CSPP1: variants seen among roughly 807,000 people sequenced by gnomAD.
The protein encoded by CSPP1 is centrosome and spindle pole associated protein 1, also known as centrosome and spindle pole-associated protein 1.
In CSPP1, 126 loss-of-function variants were observed where a neutral mutation model predicts 164.4. The observed-to-expected ratio is 0.77, with a 90% CI of 0.66 to 0.89. The LOEUF (loss-of-function observed/expected upper bound fraction) is 0.89, where lower values mean the gene tolerates loss of function less well. CSPP1 is among the 40% of genes least tolerant of loss of function. The pLI, the probability that CSPP1 is intolerant of heterozygous loss-of-function variation, is 0.00. For missense variants in CSPP1, 1,395 were observed against 1,449.8 expected (o/e 0.96, Z 0.61); for synonymous variants, 472 against 476.7 (o/e 0.99, Z 0.13).
Position 67,095,396 on chromosome 8 carries a change from T to C in CSPP1, c.587T>C (p.Val196Ala). The C allele has an allele frequency of 6.2e-7, 1 of 1,613,120 alleles. No individual in the cohort carries two copies. Among genetic ancestry groups the C allele is most frequent in the Non-Finnish European group, 8.5e-7 (1 of 1,179,702 alleles). Residue 196 changes from valine to alanine, a missense_variant, in exon 7 of 31, where the codon GTC becomes GCC. Coordinates refer to ENST00000678616, the MANE Select transcript of CSPP1 (RefSeq NM_001382391.1). ...CENSEGPRKD[V>A]LTPSEAYEEL... ...AATTCAGAGGGTCCTAGAAAAGATG[T>C]CTTAACTCCTTCAGAGGCATATGAA...
chr8:67,190,776 T>G lies in CSPP1; in HGVS notation c.3330+17T>G, dbSNP rs778625244. The G allele has an allele frequency of 6.5e-7, 1 of 1,549,088 alleles. No individual in the cohort carries two copies. The highest frequency in any genetic ancestry group is 8.9e-7 in the Non-Finnish European group (1 of 1,120,732). ...CTAGACATTGTATGTATGAGACTTT[T>G]CTCCCCCTTTTCAACTTAGAAGAAT... On this transcript the variant is annotated intron_variant, in intron 29 of 30. Coordinates refer to ENST00000678616, the MANE Select transcript of CSPP1 (RefSeq NM_001382391.1).
Position 67,159,054 on chromosome 8 carries a change from AAG to A in CSPP1, c.2457_2458del (p.Lys820GlufsTer8). On this transcript the variant is annotated frameshift_variant, in exon 21 of 31. Coordinates refer to ENST00000678616, the MANE Select transcript of CSPP1 (RefSeq NM_001382391.1). LOFTEE classifies it high-confidence loss of function. ...AGAAAGACAAAAAGAAGCAGAAAGAAAGAAGAAAGAAGAAGAAGAAAAATATA... is the reference window on the plus strand; with the variant it reads ...AGAAAGACAAAAAGAAGCAGAAAGAAAAGAAAGAAGAAGAAGAAAAATATA... ...AEERQKEAER[K>X]KKEEEEKYNL... is the part of the protein sequence containing the mutation. 6.2e-7 allele frequency: 1 copy of A among 1,612,418 alleles called. No individual in the cohort carries two copies. The highest frequency in any genetic ancestry group is 1.1e-5 in the South Asian group (1 of 90,782).
chr8:67,074,197 A>G, intron 1 of CSPP1, 46 bp from the exon 2 acceptor site: 1 of 1,113,616 alleles, frequency 9.0e-7, no homozygotes, highest in Non-Finnish European at 1.3e-6. Context: ...TAATTAGGCT[A>G]AAAATACTGT....
At chr8:67,152,562 G>C (rs1825918399) in intron 18 of CSPP1, among the ~76,000 whole-genome samples, 1 of 152,254 alleles carries the variant, frequency 6.6e-6, no homozygotes, top group Non-Finnish European at 1.5e-5. Context: ...ATTTCTAAAA[G>C]GACTTCTCTT....
chr8:67,193,676 C>G, intron 30 of CSPP1, 74 bp downstream of exon 30: 1 of 1,327,074 alleles, frequency 7.5e-7, no homozygotes, highest in Non-Finnish European at 1.1e-6. Context: ...AAGGCTTTCA[C>G]TAACGTCTGA....
intron 17 of CSPP1, among the ~76,000 whole-genome samples, chr8:67,140,717 A>C: frequency 6.6e-6 from 1 of 152,220 alleles, no homozygotes; most frequent in East Asian, 1.9e-4. Context: ...TAGAAGCTTA[A>C]GGCCTCTCTT....
chr8:67,094,146 G>A (rs1376649476), intron 6 of CSPP1, among the ~76,000 whole-genome samples: 42 of 79,622 alleles, frequency 5.3e-4, no homozygotes, highest in African/African-American at 1.2e-3. Context: ...AAAAAAAAAA[G>A]GATGATTGAT....
Position 67,185,320 on chromosome 8 carries a change from C to T in CSPP1, c.3221-5330C>T, listed in dbSNP as rs190785240. On this transcript the variant is annotated intron_variant, in intron 28 of 30. Transcript: ENST00000678616. ...ATCTTTTCGGTTGTGAACTAAAGGC[C>T]GACAAAGATTATCACTTTAAGATGG... Among the ~76,000 whole-genome samples, 126 of 152,180 alleles carry T rather than the reference C, an allele frequency of 8.3e-4. 1 individual carries two copies. Among genetic ancestry groups the T allele is most frequent in the African/African-American group, 2.8e-3 (115 of 41,506 alleles).
chr8:67,064,785 T>G, intron 1 of CSPP1: 2 of 242,512 alleles, frequency 8.2e-6, no homozygotes, highest in Non-Finnish European at 8.0e-6. Context: ...AGTTGGGATT[T>G]CGCCGCCGTG....
intron 1 of CSPP1, among the ~76,000 whole-genome samples, chr8:67,067,626 G>C (rs1397664152): frequency 1.3e-5 from 2 of 151,996 alleles, no homozygotes; most frequent in Admixed American, 1.3e-4. Flanking sequence ...ACCAAGCCTG[G>C]CTAATTTTTT....
At chr8:67,129,529 A>G (rs1237544836) in intron 15 of CSPP1, among the ~76,000 whole-genome samples, 2 of 152,204 alleles carry the variant, frequency 1.3e-5, no homozygotes, top group African/African-American at 4.8e-5. Flanking sequence ...AAAGAAATAA[A>G]AATAACATGT....
At chr8:67,165,135 T>G (rs1196334734) in intron 24 of CSPP1, among the ~76,000 whole-genome samples, 1 of 152,022 alleles carries the variant, frequency 6.6e-6, no homozygotes, top group African/African-American at 2.4e-5. Flanking sequence ...ATACAAAAAA[T>G]TAACTGGGTG....
chr8:67,192,456 A>G (rs1282021248), intron 29 of CSPP1, among the ~76,000 whole-genome samples: 1 of 152,246 alleles, frequency 6.6e-6, no homozygotes, highest in Non-Finnish European at 1.5e-5. Context: ...CTAGTTATCA[A>G]TGTGTGATTT....
At position 67,138,891 on chromosome 8, in the gene CSPP1, C is replaced by T. The variant is rs374222206; in HGVS notation, c.1975+1288C>T. Reference sequence around the variant, plus strand: ...ATGCCTATGTCCTGAATGGTATTGCCTAGGTTTTCTTCTAGGGTTTTTATG... The same window carrying T: ...ATGCCTATGTCCTGAATGGTATTGCTTAGGTTTTCTTCTAGGGTTTTTATG... On this transcript the variant is annotated intron_variant, in intron 17 of 30. Coordinates refer to ENST00000678616, the MANE Select transcript of CSPP1 (RefSeq NM_001382391.1). Among the ~76,000 whole-genome samples the T allele has an allele frequency of 1.9e-3, 285 of 152,258 alleles. 4 individuals are homozygous for T. The highest frequency in any genetic ancestry group is 6.6e-3 in the African/African-American group (274 of 41,564).
chr8:67,071,080 CTTTT>C (rs1806675174), intron 1 of CSPP1, among the ~76,000 whole-genome samples: 2 of 152,104 alleles, frequency 1.3e-5, no homozygotes, highest in Non-Finnish European at 1.5e-5. Flanking sequence ...ATCAGTGTTT[CTTTT>C]GGCATTACAT....
In CSPP1 at chr8:67,103,073, G is replaced by T. The variant is rs752179456; in HGVS notation, c.960G>T (p.Met320Ile). 1 of 1,611,786 alleles carries T rather than the reference G, an allele frequency of 6.2e-7. No individual in the cohort carries two copies. The change falls in exon 8 of 31, where the codon ATG becomes ATT. Residue 320 changes from methionine to isoleucine, a missense_variant. Transcript: ENST00000678616. ...HRNKRGNMPP[M>I]EHDGDVIEQS... is the part of the protein sequence containing the mutation. Reference sequence around the variant, plus strand: ...ACAAACGAGGGAATATGCCTCCTATGGAACATGATGGGGATGTTATAGAAC... The same window carrying T: ...ACAAACGAGGGAATATGCCTCCTATTGAACATGATGGGGATGTTATAGAAC...
At chr8:67,091,907 G>T in intron 5 of CSPP1, 24 bp downstream of exon 5, 5 of 1,048,512 alleles carry the variant, frequency 4.8e-6, no homozygotes, top group Non-Finnish European at 6.5e-6. Flanking sequence ...AGTAGTTATT[G>T]TGGGTACCAG....
At chr8:67,112,173 T>C in intron 10 of CSPP1, 108 bp downstream of exon 10, 1 of 593,176 alleles carries the variant, frequency 1.7e-6, no homozygotes, top group Non-Finnish European at 2.9e-6. Context: ...GTTTGATTTG[T>C]AAATCACTTA....
chr8:67,187,098 T>G (rs1364404189), intron 28 of CSPP1, among the ~76,000 whole-genome samples: 1 of 152,198 alleles, frequency 6.6e-6, no homozygotes, highest in Non-Finnish European at 1.5e-5. Context: ...ATATATTTCA[T>G]GACCATGCAC....
Sources: gnomAD v4.1 joint callset for allele counts (sites outside exome capture counted in the v4.1 genomes callset) on GRCh38, gnomAD v4.1.1 for gene constraint, MANE v1.5 for transcripts, NCBI Gene and HGNC (gene_info 2026-07-23, HGNC 2026-07-21) for gene names.